LAMB3: variants seen among roughly 807,000 people sequenced by gnomAD.
LAMB3 encodes laminin subunit beta 3, also known as laminin subunit beta-3.
Under a neutral mutation model 140.3 loss-of-function variants are expected in LAMB3, and 104 were observed. The observed-to-expected ratio is 0.74, with a 90% CI of 0.63 to 0.87. The LOEUF (loss-of-function observed/expected upper bound fraction) is 0.87. Ranked by LOEUF, LAMB3 falls within the 40% of genes least tolerant of loss-of-function variation. The probability of loss-of-function intolerance (pLI) is 0.00; values close to 1 mark genes in which losing one functional copy is unlikely to be tolerated. For missense variants in LAMB3, 1,531 were observed against 1,575.2 expected (o/e 0.97, Z 0.47); for synonymous variants, 592 against 602.9 (o/e 0.98, Z 0.26).
intron 10 of LAMB3, among the ~76,000 whole-genome samples, chr1:209,629,219 C>T (rs1235501397): frequency 6.6e-6 from 1 of 152,154 alleles, no homozygotes. Context: ...CTGTTGCCTC[C>T]CATTACATTC....
chr1:209,650,573 C>A (rs186436817), intron 2 of LAMB3, among the ~76,000 whole-genome samples: 54 of 152,324 alleles, frequency 3.5e-4, no homozygotes, highest in South Asian at 1.9e-3. Context: ...TTTGTGAGTG[C>A]CCAGCTACAA....
chr1:209,616,189 T>A (rs535951752), intron 22 of LAMB3, among the ~76,000 whole-genome samples: 5 of 152,284 alleles, frequency 3.3e-5, no homozygotes, highest in African/African-American at 1.2e-4. Context: ...ATTCTATGCA[T>A]CTTAAGCATA....
At chr1:209,618,730 G>A in intron 18 of LAMB3, 71 bp from the exon 19 acceptor site, 2 of 1,467,506 alleles carry the variant, frequency 1.4e-6, no homozygotes, top group Non-Finnish European at 1.9e-6. Flanking sequence ...TCTCCTAGCT[G>A]AGCAGCACTT....
chr1:209,632,604 TGCAGAG>T lies in LAMB3; in HGVS notation c.795_800del (p.Ser266_Ala267del). 1 of 1,614,048 alleles carries T rather than the reference TGCAGAG, an allele frequency of 6.2e-7. No homozygotes were observed. Among genetic ancestry groups the T allele is most frequent in the Non-Finnish European group, 8.5e-7 (1 of 1,179,902 alleles). ...TTACCTGCACAGCGGTGGAGGGGCC[TGCAGAG>T]GCCCCAGGCTTGGGTGCGCAGCGAT... On this transcript the variant is annotated inframe_deletion, in exon 8 of 23. Transcript: ENST00000356082.
Position 209,625,681 on chromosome 1 carries a change from A to G in LAMB3, c.1943T>C (p.Val648Ala). The change falls in exon 14 of 23, where the codon GTG becomes GCG. Residue 648 changes from valine (V) to alanine (A), a missense_variant. Transcript: ENST00000356082. ...LSSPAVTEQE[V>A]AQVASAILSL... ...GAGGATGGCACTGGCCACCTGAGCC[A>G]CCTCCTGCTCTGTGACTGCGGGGCT... 1 of 1,614,010 alleles carries G rather than the reference A, an allele frequency of 6.2e-7. No homozygotes were observed. The highest frequency in any genetic ancestry group is 8.5e-7 in the Non-Finnish European group (1 of 1,180,000).
At chr1:209,645,642 G>A (rs1436648743) in intron 3 of LAMB3, among the ~76,000 whole-genome samples, 1 of 151,806 alleles carries the variant, frequency 6.6e-6, no homozygotes, top group Non-Finnish European at 1.5e-5. Context: ...CTTGAACCTG[G>A]GAAGCAGAGG....
In LAMB3 at chr1:209,650,043, A is replaced by G. The variant is rs765484485; in HGVS notation, c.104T>C (p.Val35Ala). 7 of 1,614,132 alleles carry G rather than the reference A, an allele frequency of 4.3e-6. No individual in the cohort carries two copies. The South Asian group carries it at 7.7e-5, about 18-fold the overall frequency. ...ACYPPVGDLL[V>A]GRTRFLRASS... ...AGCTCGGAGAAACCGGGTCCTCCCA[A>G]CAAGCAGGTCCCCAACAGGTGGATA... The change falls in exon 3 of 23, where the codon GTT (valine) becomes GCT (alanine). Residue 35 changes from valine to alanine, a missense_variant. Transcript: ENST00000356082.
At chr1:209,649,417 G>A (rs1375561024) in intron 3 of LAMB3, among the ~76,000 whole-genome samples, 1 of 152,206 alleles carries the variant, frequency 6.6e-6, no homozygotes, top group East Asian at 1.9e-4. Context: ...GTTTGTAAAA[G>A]CCATGACTAA....
At position 209,633,264 on chromosome 1, in the gene LAMB3, T is replaced by C. The variant is rs910789259; in HGVS notation, c.565-131A>G. 6.2e-5 allele frequency: 46 copies of C among 737,728 alleles called. No homozygotes were observed. In the South Asian group the frequency reaches 6.3e-4, roughly 10 times the overall value. 45.7% of individuals were successfully genotyped at this position (737,728 alleles called of 1,614,324 possible). On this transcript the variant is annotated intron_variant, in intron 6 of 22. Coordinates refer to ENST00000356082, the MANE Select transcript of LAMB3 (RefSeq NM_000228.3). ...GTTACCTGGAACCTGAGATAGACCA[T>C]GGCTATGAGGCTTGTCATCTGCTGT...
At chr1:209,622,786 C>T in intron 17 of LAMB3, 106 bp from the exon 18 acceptor site, 1 of 1,476,798 alleles carries the variant, frequency 6.8e-7, no homozygotes. Flanking sequence ...ACCTAGGAAG[C>T]ATTTGTAACC....
intron 18 of LAMB3, among the ~76,000 whole-genome samples, chr1:209,621,290 T>C (rs1337005612): frequency 6.6e-6 from 1 of 152,178 alleles, no homozygotes; most frequent in Non-Finnish European, 1.5e-5. Context: ...ACCTCCCCCA[T>C]CATCCACGTT....
intron 21 of LAMB3, among the ~76,000 whole-genome samples, chr1:209,617,123 C>T (rs1355631812): frequency 6.6e-6 from 1 of 152,150 alleles, no homozygotes; most frequent in Non-Finnish European, 1.5e-5. Context: ...TGTCAGGGGA[C>T]CTGCTTTGTA....
intron 3 of LAMB3, among the ~76,000 whole-genome samples, chr1:209,648,547 G>A (rs191684291): frequency 5.9e-5 from 9 of 152,284 alleles, no homozygotes; most frequent in African/African-American, 1.9e-4. Context: ...ACCCTGTTTT[G>A]CTCTCAAGGG....
rs540971405 is a variant in LAMB3 at position 209,615,300 on chromosome 1, G to C, written c.3490C>G (p.Arg1164Gly). 1.2e-6 allele frequency: 2 copies of C among 1,614,002 alleles called. No homozygotes were observed. Among genetic ancestry groups the C allele is most frequent in the South Asian group, 2.2e-5 (2 of 91,090 alleles). Residue 1164 changes from arginine (R) to glycine (G), a missense_variant, in exon 23 of 23, where the codon CGC (arginine) becomes GGC (glycine). Arg to Gly is a moderately radical substitution (Grantham distance 125, BLOSUM62 -2). Transcript: ENST00000356082. ...TTGCAGGTGGCATAGTAGAGCACGCGCCCATTGATGTGGTCACGGATCTGC... is the reference window on the plus strand; with the variant it reads ...TTGCAGGTGGCATAGTAGAGCACGCCCCCATTGATGTGGTCACGGATCTGC... ...VEQIRDHING[R>G]VLYYATCK is the part of the protein sequence containing the mutation.
intron 3 of LAMB3, among the ~76,000 whole-genome samples, chr1:209,645,678 T>C (rs2076510650): frequency 6.7e-6 from 1 of 148,652 alleles, no homozygotes; most frequent in Admixed American, 6.8e-5. Context: ...ATCATGCCAC[T>C]GTACTCCAGC....
chr1:209,619,366 T>G (rs1331509869), intron 18 of LAMB3, among the ~76,000 whole-genome samples: 1 of 152,220 alleles, frequency 6.6e-6, no homozygotes, highest in Non-Finnish European at 1.5e-5. Context: ...TGTCCACAGC[T>G]ATATCCCCAG....
At position 209,617,910 on chromosome 1, in the gene LAMB3, A is replaced by G. The variant is rs939382060; in HGVS notation, c.3048T>C (p.Ala1016=). The change falls in exon 20 of 23, where the codon GCT becomes GCC. Residue 1016 remains alanine, a synonymous_variant. Coordinates refer to ENST00000356082, the MANE Select transcript of LAMB3 (RefSeq NM_000228.3). ...GGAGGAAGCCATAATGCCTCACCTC[A>G]GCAACCCTGTCCTGGATAAGCCGAA... ...RSLRLIQDRV[A]EVQQVLRPAE... 2.5e-6 allele frequency: 4 copies of G among 1,614,204 alleles called. No individual in the cohort carries two copies. Among genetic ancestry groups the G allele is most frequent in the Admixed American group, 1.7e-5 (1 of 60,022 alleles).
chr1:209,627,926 C>A, intron 11 of LAMB3, 109 bp downstream of exon 11: 6 of 1,385,676 alleles, frequency 4.3e-6, no homozygotes, highest in Non-Finnish European at 5.9e-6. Flanking sequence ...CTCTGTCTAC[C>A]CTGCAGTGGG....
rs1310864179 is a variant in LAMB3, at chr1:209,628,070, G to T, written c.1253C>A (p.Thr418Asn). 2 of 1,607,270 alleles carry T rather than the reference G, an allele frequency of 1.2e-6. No individual in the cohort carries two copies. The highest frequency in any genetic ancestry group is 1.3e-5 in the African/African-American group (1 of 74,790). Reference sequence around the variant, plus strand: ...CTGCGGGTTGGCGTAGGTGAGTCCAGTGAAGCCCGGCTTGCATAGGTCACA... The same window carrying T: ...CTGCGGGTTGGCGTAGGTGAGTCCATTGAAGCCCGGCTTGCATAGGTCACA... ...ERCDLCKPGF[T>N]GLTYANPQGC... is the part of the protein sequence containing the mutation. Residue 418 changes from threonine to asparagine, a missense_variant, in exon 11 of 23, where the codon ACT (threonine) becomes AAT (asparagine). Transcript: ENST00000356082.
Sources: allele counts gnomAD v4.1 joint callset (sites outside exome capture counted in the v4.1 genomes callset), GRCh38; gene constraint gnomAD v4.1.1; transcripts MANE v1.5; gene names NCBI Gene and HGNC (gene_info 2026-07-23, HGNC 2026-07-21).